The following ATRNL1 variants were observed in gnomAD, a reference collection of about 807,000 sequenced individuals.
ATRNL1 encodes the protein attractin-like protein 1.
Under a neutral mutation model 182.7 loss-of-function variants are expected in ATRNL1, and 95 were observed. The observed-to-expected ratio is 0.52, with a 90% CI of 0.44 to 0.62. The LOEUF is 0.62. Among genes scored for constraint, ATRNL1 ranks in the 20% least tolerant of loss-of-function variants. ATRNL1 has a pLI of 0.00. For synonymous variants in ATRNL1, 576 were observed against 568.3 expected (o/e 1.01, Z -0.19); for missense variants, 1,471 against 1,679.5 (o/e 0.88, Z 2.17).
chr10:115,816,063 A>G (rs1489217462), intron 27 of ATRNL1, among the ~76,000 whole-genome samples: 8 of 152,144 alleles, frequency 5.3e-5, no homozygotes, highest in Non-Finnish European at 1.2e-4. Context: ...TTTTGAGCAA[A>G]AAGAAACCCC....
chr10:115,587,451 T>A (rs541433908), intron 26 of ATRNL1, among the ~76,000 whole-genome samples: 25 of 151,894 alleles, frequency 1.6e-4, no homozygotes, highest in African/African-American at 5.5e-4. Context: ...GTGCGGAATA[T>A]AATCTCGTGG....
rs1053854179 is a variant in ATRNL1 at position 115,892,580 on chromosome 10, G to T, written c.4018+44589G>T. ...AAGACTATGAACTTTTTGAAAGCAG[G>T]CATAGCAAGCATATAATTTAAACTC... On this transcript the variant is annotated intron_variant, in intron 28 of 28. Coordinates refer to ENST00000355044, the MANE Select transcript of ATRNL1 (RefSeq NM_207303.4). Among the ~76,000 whole-genome samples the T allele has an allele frequency of 4.6e-5, 7 of 152,094 alleles. No individual in the cohort carries two copies. The South Asian group carries it at 1.2e-3, about 27-fold the overall frequency.
intron 27 of ATRNL1, among the ~76,000 whole-genome samples, chr10:115,788,803 C>G (rs1333137549): frequency 6.6e-6 from 1 of 152,194 alleles, no homozygotes; most frequent in Non-Finnish European, 1.5e-5. Flanking sequence ...AAGCAACCTC[C>G]TGTGAGAGGG....
intron 26 of ATRNL1, among the ~76,000 whole-genome samples, chr10:115,652,837 A>G (rs764217542): frequency 3.3e-5 from 5 of 152,112 alleles, no homozygotes; most frequent in Admixed American, 6.6e-5. Context: ...TGTTTTAACT[A>G]AATATTTGTC....
chr10:115,426,200 G>A (rs1554962848), intron 20 of ATRNL1, 50 bp from the exon 21 acceptor site: 1 of 1,461,188 alleles, frequency 6.8e-7, no homozygotes, highest in Middle Eastern at 1.8e-4. Flanking sequence ...AAAACATGAG[G>A]CTTTTGAATT....
Position 115,518,511 on chromosome 10 carries a change from C to T in ATRNL1, c.3655-752C>T, listed in dbSNP as rs150755070. Among the ~76,000 whole-genome samples, 278 of 151,852 alleles carry T rather than the reference C, an allele frequency of 1.8e-3. 5 individuals carry two copies. The East Asian group carries it at 0.047, about 26-fold the overall frequency. ...TTTACATGCCAGAAATTATGGTAAA[C>T]ATTAAATTTCTATTCAGTTAGATTT... On this transcript the variant is annotated intron_variant, in intron 24 of 28. Transcript: ENST00000355044.
intron 8 of ATRNL1, among the ~76,000 whole-genome samples, chr10:115,195,177 G>T (rs1248421852): frequency 6.6e-6 from 1 of 151,890 alleles, no homozygotes; most frequent in Non-Finnish European, 1.5e-5. Context: ...CTGTATGTTT[G>T]TATATTTACT....
chr10:115,322,208 A>G (rs1432444812), intron 18 of ATRNL1, among the ~76,000 whole-genome samples: 3 of 152,024 alleles, frequency 2.0e-5, no homozygotes, highest in East Asian at 1.9e-4. Context: ...TACTACATCT[A>G]TATATGTTGT....
intron 5 of ATRNL1, among the ~76,000 whole-genome samples, chr10:115,143,676 A>G (rs1845843230): frequency 6.6e-6 from 1 of 152,100 alleles, no homozygotes; most frequent in Non-Finnish European, 1.5e-5. Flanking sequence ...TTCTATCCTT[A>G]TATGACAGAG....
At chr10:115,877,271 A>G (rs1467015272) in intron 28 of ATRNL1, among the ~76,000 whole-genome samples, 18 of 152,220 alleles carry the variant, frequency 1.2e-4, no homozygotes, top group Admixed American at 7.9e-4. Flanking sequence ...TCTCTTTAGA[A>G]TGTAGCCAGC....
intron 26 of ATRNL1, among the ~76,000 whole-genome samples, chr10:115,560,333 A>G (rs1212363027): frequency 6.6e-6 from 1 of 152,078 alleles, no homozygotes; most frequent in Non-Finnish European, 1.5e-5. Context: ...GGTGAATGAA[A>G]CTTATTCACT....
chr10:115,791,404 C>T (rs1482397109), intron 27 of ATRNL1, among the ~76,000 whole-genome samples: 3 of 152,116 alleles, frequency 2.0e-5, no homozygotes, highest in Admixed American at 6.6e-5. Flanking sequence ...CCTGGGTAAG[C>T]AAACACCTGT....
At chr10:115,365,771 G>A (rs1279992294) in intron 19 of ATRNL1, among the ~76,000 whole-genome samples, 5 of 152,108 alleles carry the variant, frequency 3.3e-5, no homozygotes, top group African/African-American at 4.8e-5. Flanking sequence ...CCTTCATTTC[G>A]TTATGTATCC....
chr10:115,785,327 TG>T (rs1195893051), intron 27 of ATRNL1, among the ~76,000 whole-genome samples: 1 of 152,252 alleles, frequency 6.6e-6, no homozygotes, highest in Non-Finnish European at 1.5e-5. Context: ...AATCCTCTCA[TG>T]ATATTCTATC....
chr10:115,412,387 GCAGC>G (rs1425108049), intron 20 of ATRNL1, among the ~76,000 whole-genome samples: 10 of 152,194 alleles, frequency 6.6e-5, no homozygotes, highest in Admixed American at 5.2e-4. Flanking sequence ...GACCCTAGGT[GCAGC>G]CAACGTCTTG....
chr10:115,275,631 C>A (rs563990854), intron 13 of ATRNL1, among the ~76,000 whole-genome samples: 1 of 152,208 alleles, frequency 6.6e-6, no homozygotes, highest in East Asian at 1.9e-4. Context: ...TTATGTTTCC[C>A]AATTCAGTGG....
intron 24 of ATRNL1, among the ~76,000 whole-genome samples, chr10:115,486,529 G>C (rs1849034942): frequency 6.6e-6 from 1 of 151,946 alleles, no homozygotes; most frequent in Non-Finnish European, 1.5e-5. Context: ...ATTTTTGTTG[G>C]CCACAGAAAT....
At chr10:115,672,314 C>T (rs1255009741) in intron 26 of ATRNL1, among the ~76,000 whole-genome samples, 1 of 152,058 alleles carries the variant, frequency 6.6e-6, no homozygotes, top group African/African-American at 2.4e-5. Flanking sequence ...AGTTGCAGAG[C>T]TGGAATTTCA....
At position 115,170,965 on chromosome 10, in the gene ATRNL1, C is replaced by T. The variant is rs1847264999; in HGVS notation, c.1093-72C>T. 5.3e-6 allele frequency: 5 copies of T among 938,110 alleles called. No homozygotes were observed. The South Asian group carries it at 1.6e-4, about 30-fold the overall frequency. 58.1% of individuals were successfully genotyped at this position (938,110 alleles called of 1,614,324 possible). On this transcript the variant is annotated intron_variant, in intron 7 of 28. Coordinates refer to ENST00000355044, the MANE Select transcript of ATRNL1 (RefSeq NM_207303.4). ...TACTAAAATTTTATGTAAATTTAAC[C>T]TTTATTTTTAATTAATATGTGTTAA...
Sources: gnomAD v4.1 joint callset for allele counts (sites outside exome capture counted in the v4.1 genomes callset) on GRCh38, gnomAD v4.1.1 for gene constraint, MANE v1.5 for transcripts, NCBI Gene and HGNC (gene_info 2026-07-23, HGNC 2026-07-21) for gene names.